TENM2: variants seen among roughly 807,000 people sequenced by gnomAD.
TENM2 encodes teneurin-2.
Under a neutral mutation model 245.2 loss-of-function variants are expected in TENM2, and 52 were observed. The observed-to-expected ratio is 0.21, with a 90% CI of 0.17 to 0.27. TENM2 has a LOEUF of 0.27. TENM2 is among the 10% of genes least tolerant of loss of function. TENM2 has a pLI of 1.00. For synonymous variants in TENM2, 1,363 were observed against 1,438.9 expected (o/e 0.95, Z 1.19); for missense variants, 3,046 against 3,666.8 (o/e 0.83, Z 4.37).
chr5:168,141,142 C>T (rs1398006703), intron 12 of TENM2, among the ~76,000 whole-genome samples: 2 of 152,116 alleles, frequency 1.3e-5, no homozygotes, highest in African/African-American at 4.8e-5. Context: ...GCAGGCATGA[C>T]CCAGAGAGAA....
rs200368106 is a variant in TENM2 at position 167,954,175 on chromosome 5, ACACT to A, written c.947+1361_947+1364del. On this transcript the variant is annotated intron_variant, in intron 4 of 28. Transcript: ENST00000518659. ...AAATACCTAACGTGTGTGCACACAC[ACACT>A]CACTCACACACACACACACACAAAC... Among the ~76,000 whole-genome samples, 448 of 152,128 alleles carry A rather than the reference ACACT, an allele frequency of 2.9e-3. 2 individuals are homozygous for A. The highest frequency in any genetic ancestry group is 0.024 in the South Asian group (114 of 4,828).
chr5:167,569,614 G>C (rs970958505), intron 2 of TENM2, among the ~76,000 whole-genome samples: 1 of 152,146 alleles, frequency 6.6e-6, no homozygotes, highest in Admixed American at 6.6e-5. Flanking sequence ...TCTGTAAAAT[G>C]GTTCCAGCAA....
At position 167,534,711 on chromosome 5, in the gene TENM2, G is replaced by A. The variant is rs564661871; in HGVS notation, c.502+159238G>A. Among the ~76,000 whole-genome samples, 7 of 152,200 alleles carry A rather than the reference G, an allele frequency of 4.6e-5. No homozygotes were observed. The East Asian group carries it at 1.2e-3, about 25-fold the overall frequency. On this transcript the variant is annotated intron_variant, in intron 2 of 28. Transcript: ENST00000518659. ...ATTTGGTGTGCGGGATAGAGGAGAC[G>A]AGACCTCGAATGGAGAGGACAGCTG...
intron 1 of TENM2, among the ~76,000 whole-genome samples, chr5:167,292,796 T>C (rs1283116504): frequency 6.6e-6 from 1 of 152,114 alleles, no homozygotes; most frequent in Non-Finnish European, 1.5e-5. Context: ...AGGGATAATA[T>C]TGGATGGTTT....
At chr5:167,803,276 A>G (rs1765915838) in intron 2 of TENM2, among the ~76,000 whole-genome samples, 5 of 152,286 alleles carry the variant, frequency 3.3e-5, no homozygotes, top group Admixed American at 3.3e-4. Context: ...AGGTTTCTCC[A>G]AGGGAGACTG....
At chr5:167,488,281 A>G (rs1253925181) in intron 2 of TENM2, among the ~76,000 whole-genome samples, 1 of 152,192 alleles carries the variant, frequency 6.6e-6, no homozygotes, top group Non-Finnish European at 1.5e-5. Flanking sequence ...TCTTTATAGA[A>G]CAATGTCTTG....
intron 2 of TENM2, among the ~76,000 whole-genome samples, chr5:167,504,741 T>C (rs2127561100): frequency 6.6e-6 from 1 of 152,308 alleles, no homozygotes; most frequent in South Asian, 2.1e-4. Context: ...CCAGAAGTAA[T>C]GTTACTGCTT....
At chr5:167,196,512 G>GTGTATATATATA in the TENM2 span, among the ~76,000 whole-genome samples, 1 of 144,240 alleles carries the variant, frequency 6.9e-6, no homozygotes, top group African/African-American at 2.8e-5. Flanking sequence ...ATATATATGT[G>GTGTATATATATA]TGTGTATATA....
chr5:168,195,826 A>C (rs1761385965), intron 15 of TENM2, among the ~76,000 whole-genome samples: 3 of 152,156 alleles, frequency 2.0e-5, no homozygotes, highest in Admixed American at 2.0e-4. Context: ...AATTAAATAC[A>C]TTTAGCAGTC....
At chr5:167,353,621 C>T (rs1418118738) in intron 1 of TENM2, among the ~76,000 whole-genome samples, 1 of 146,854 alleles carries the variant, frequency 6.8e-6, no homozygotes, top group Non-Finnish European at 1.5e-5. Flanking sequence ...CATTCTCCTG[C>T]CTCAGCCTCC....
At chr5:168,232,256 A>C (rs1562313573) in intron 25 of TENM2, 2 of 152,340 alleles carry the variant, frequency 1.3e-5, no homozygotes, top group East Asian at 3.9e-4. Context: ...TGTCTAGCAC[A>C]CGAGGACGAG....
At chr5:167,807,124 T>TAAAAAAAAAAAAAAAAAAAAAAAAAAA (rs1178739925) in intron 2 of TENM2, among the ~76,000 whole-genome samples, 2 of 49,082 alleles carry the variant, frequency 4.1e-5, no homozygotes, top group African/African-American at 1.7e-4. Flanking sequence ...GCCCCTAGGT[T>TAAAAAAAAAAAAAAAAAAAAAAAAAAA]AAAAAAAAAA....
chr5:168,018,486 T>C (rs1785858315), intron 5 of TENM2, among the ~76,000 whole-genome samples: 1 of 152,088 alleles, frequency 6.6e-6, no homozygotes, highest in East Asian at 1.9e-4. Flanking sequence ...CTTGGGTCTC[T>C]TTTGTTGATG....
At chr5:168,097,798 C>T (rs2152275327) in intron 8 of TENM2, among the ~76,000 whole-genome samples, 1 of 152,132 alleles carries the variant, frequency 6.6e-6, no homozygotes, top group Admixed American at 6.5e-5. Flanking sequence ...GCACTACTAG[C>T]CCTGCATTCC....
intron 2 of TENM2, among the ~76,000 whole-genome samples, chr5:167,422,163 T>C (rs1209726966): frequency 6.6e-6 from 1 of 152,170 alleles, no homozygotes; most frequent in Non-Finnish European, 1.5e-5. Flanking sequence ...CAAGTAAACG[T>C]CGTATTTGTT....
At chr5:167,927,610 GAGCAAGTGGTTTGCATTCGAAGAA>G in intron 3 of TENM2, among the ~76,000 whole-genome samples, 1 of 152,284 alleles carries the variant, frequency 6.6e-6, no homozygotes, top group South Asian at 2.1e-4. Context: ...ATGCCTCCTT[GAGCAAGTGGTTTGCATTCGAAGAA>G]AGCAAGCAGT....
At chr5:167,004,451 A>G in the TENM2 span, among the ~76,000 whole-genome samples, 1 of 152,214 alleles carries the variant, frequency 6.6e-6, no homozygotes, top group Non-Finnish European at 1.5e-5. Flanking sequence ...TATAAAAGTT[A>G]TTTATTTTGT....
the TENM2 span, among the ~76,000 whole-genome samples, chr5:167,131,219 C>T: frequency 5.9e-3 from 891 of 152,066 alleles, 16 homozygotes; most frequent in African/African-American, 0.02. Context: ...TTTATTTTTT[C>T]CTGAAAAACC....
intron 1 of TENM2, among the ~76,000 whole-genome samples, chr5:167,288,466 G>C (rs988777402): frequency 6.6e-6 from 1 of 151,902 alleles, no homozygotes; most frequent in East Asian, 1.9e-4. Flanking sequence ...GGCTGAGGCA[G>C]GGGAATGGCG....
Sources: gnomAD v4.1 joint callset for allele counts (sites outside exome capture counted in the v4.1 genomes callset) on GRCh38, gnomAD v4.1.1 for gene constraint, MANE v1.5 for transcripts, NCBI Gene and HGNC (gene_info 2026-07-23, HGNC 2026-07-21) for gene names.